GTF3C2: variants seen among roughly 807,000 people sequenced by gnomAD.
The protein encoded by GTF3C2 is general transcription factor 3C polypeptide 2.
In GTF3C2, 17 loss-of-function variants were observed where a neutral mutation model predicts 117.4. That is an observed-to-expected ratio of 0.14 (90% CI 0.10 to 0.22). GTF3C2 has a LOEUF of 0.22. Ranked by LOEUF, GTF3C2 falls within the 10% of genes least tolerant of loss-of-function variation. The pLI, the probability that GTF3C2 is intolerant of heterozygous loss-of-function variation, is 1.00. For missense variants in GTF3C2, 888 were observed against 1,143.6 expected, an observed-to-expected ratio of 0.78 and a Z score of 3.22; for synonymous variants, 437 against 427.0, an observed-to-expected ratio of 1.02 and a Z score of -0.29.
chr2:27,343,018 G>A, exon 3 of GTF3C2: 4 of 1,614,180 alleles, frequency 2.5e-6, no homozygotes, highest in Non-Finnish European at 3.4e-6. Context: ...TAAGAGACCA[G>A]GAACCAGTGG....
chr2:27,328,164 G>C (rs755964710), exon 17 of GTF3C2: 1 of 1,592,128 alleles, frequency 6.3e-7, no homozygotes, highest in South Asian at 1.1e-5. Flanking sequence ...GTCCTGATAC[G>C]GTATCAGATC....
chr2:27,328,249 A>C (rs1411923404), intron 16 of GTF3C2, 60 bp from the exon 17 acceptor site: 2 of 1,398,544 alleles, frequency 1.4e-6, no homozygotes, highest in Non-Finnish European at 2.0e-6. Context: ...AAAGCAGAGG[A>C]AAGTGGTTTG....
intron 1 of GTF3C2, among the ~76,000 whole-genome samples, chr2:27,352,323 A>T (rs1183350741): frequency 1.3e-5 from 2 of 152,140 alleles, no homozygotes; most frequent in Non-Finnish European, 2.9e-5. Context: ...ACATTCTCTG[A>T]TCCCGATTCT....
intron 12 of GTF3C2, among the ~76,000 whole-genome samples, chr2:27,332,806 C>G (rs1182028517): frequency 2.0e-5 from 3 of 151,884 alleles, no homozygotes; most frequent in African/African-American, 7.3e-5. Context: ...ACCTCCGTCT[C>G]CCAGCTTCAA....
At chr2:27,353,616 T>TTA (rs1189349389) in intron 1 of GTF3C2, among the ~76,000 whole-genome samples, 1 of 152,032 alleles carries the variant, frequency 6.6e-6, no homozygotes, top group East Asian at 1.9e-4. Flanking sequence ...GTTTTGTACT[T>TTA]TTAGTAGAGA....
exon 5 of GTF3C2, chr2:27,337,968 A>C: frequency 6.2e-7 from 1 of 1,612,400 alleles, no homozygotes; most frequent in Non-Finnish European, 8.5e-7. Flanking sequence ...AGGAGCCATG[A>C]TATGATTTGG....
At chr2:27,348,197 G>A (rs1680986314) in intron 1 of GTF3C2, among the ~76,000 whole-genome samples, 1 of 151,934 alleles carries the variant, frequency 6.6e-6, no homozygotes, top group Non-Finnish European at 1.5e-5. Context: ...AACCCGGGAG[G>A]CAGAGGTTGC....
At chr2:27,332,515 C>T (rs1229386183) in intron 12 of GTF3C2, among the ~76,000 whole-genome samples, 3 of 151,472 alleles carry the variant, frequency 2.0e-5, no homozygotes, top group Admixed American at 1.3e-4. Flanking sequence ...CCCGGGTTCA[C>T]GCCATTCTCC....
exon 17 of GTF3C2, chr2:27,328,144 C>T: frequency 1.2e-6 from 2 of 1,606,004 alleles, no homozygotes; most frequent in Non-Finnish European, 1.7e-6. Context: ...TGGTCTGGAC[C>T]TTCAGGACTG....
intron 1 of GTF3C2, among the ~76,000 whole-genome samples, chr2:27,348,245 C>T (rs1404109069): frequency 1.4e-5 from 2 of 143,780 alleles, no homozygotes; most frequent in Non-Finnish European, 3.0e-5. Context: ...CCAGCCTGGG[C>T]GACAGAGCAG....
intron 16 of GTF3C2, 54 bp downstream of exon 16, chr2:27,328,414 G>A: frequency 6.3e-7 from 1 of 1,592,886 alleles, no homozygotes; most frequent in Non-Finnish European, 8.6e-7. Context: ...CCAGAATTTG[G>A]GAGGGCATGT....
At chr2:27,338,601 G>A (rs1050031688) in intron 4 of GTF3C2, among the ~76,000 whole-genome samples, 2 of 152,090 alleles carry the variant, frequency 1.3e-5, no homozygotes, top group African/African-American at 4.8e-5. Context: ...CGCAATCTTG[G>A]CTCACTGCAG....
chr2:27,341,629 T>A (rs1680733008), intron 4 of GTF3C2: 1 of 251,550 alleles, frequency 4.0e-6, no homozygotes, highest in Non-Finnish European at 7.7e-6. Context: ...TTTATATGCC[T>A]AAATCATTTT....
At position 27,334,017 on chromosome 2, in the gene GTF3C2, A is replaced by C; in HGVS notation, c.1577-18T>G. The stretch of plus-strand genomic sequence containing the variant: ...CACTGCATCTGTGAGGAAAAAGAGC[A>C]GGAACTAACTCTATGGATCCCAAGG... On this transcript the variant is annotated intron_variant, in intron 10 of 18. Transcript: ENST00000264720. 3 of 1,600,362 alleles carry C rather than the reference A, an allele frequency of 1.9e-6. No homozygotes were observed. The highest frequency in any genetic ancestry group is 2.6e-6 in the Non-Finnish European group (3 of 1,168,098).
intron 4 of GTF3C2, 49 bp from the exon 5 acceptor site, chr2:27,338,069 G>A: frequency 1.7e-6 from 2 of 1,149,358 alleles, no homozygotes; most frequent in South Asian, 1.2e-5. Flanking sequence ...CTACAGGTTG[G>A]ACAAAGTCCC....
At chr2:27,338,182 G>A (rs1680565908) in intron 4 of GTF3C2, 162 bp from the exon 5 acceptor site, 1 of 625,248 alleles carries the variant, frequency 1.6e-6, no homozygotes, top group African/African-American at 1.8e-5. Context: ...CCACTATAAT[G>A]ACTTCTTCAC....
chr2:27,354,202 G>A (rs1288605629), intron 1 of GTF3C2, among the ~76,000 whole-genome samples: 1 of 152,078 alleles, frequency 6.6e-6, no homozygotes, highest in African/African-American at 2.4e-5. Flanking sequence ...AGGATCGCCT[G>A]AGCCCAGGAG....
Position 27,333,958 on chromosome 2 carries a change from C to A in GTF3C2, c.1602+16G>T, listed in dbSNP as rs1680365150. ...GAAGATGGAGCCTCAGCTAAGGTAG[C>A]AGGTTCCTCACTCACCTTATATATG... On this transcript the variant is annotated intron_variant, in intron 11 of 18. Transcript: ENST00000264720. The A allele has an allele frequency of 6.3e-7, 1 of 1,594,460 alleles. No homozygotes were observed. The highest frequency in any genetic ancestry group is 1.3e-5 in the African/African-American group (1 of 74,536).
At chr2:27,356,160 C>A in intron 1 of GTF3C2, 1 of 1,206,344 alleles carries the variant, frequency 8.3e-7, no homozygotes, top group Non-Finnish European at 1.1e-6. Context: ...CCCCAACAGG[C>A]AGCCAACTTG....
Sources: gnomAD v4.1 joint callset for allele counts (sites outside exome capture counted in the v4.1 genomes callset) on GRCh38, gnomAD v4.1.1 for gene constraint, MANE v1.5 for transcripts, NCBI Gene and HGNC (gene_info 2026-07-23, HGNC 2026-07-21) for gene names.